RNF180: variants seen among roughly 807,000 people sequenced by gnomAD.
RNF180 encodes the protein ring finger protein 180.
Under a neutral mutation model 59.2 loss-of-function variants are expected in RNF180, and 38 were observed. That is an observed-to-expected ratio of 0.64 (90% CI 0.50 to 0.84). The LOEUF (loss-of-function observed/expected upper bound fraction) is 0.84. RNF180 is among the 40% of genes least tolerant of loss of function. The pLI is 0.00. For synonymous variants in RNF180, 262 were observed against 240.3 expected (o/e 1.09, Z -0.84); for missense variants, 705 against 700.9 (o/e 1.01, Z -0.07).
chr5:64,301,188 A>T (rs890342922), intron 5 of RNF180, among the ~76,000 whole-genome samples: 4 of 151,830 alleles, frequency 2.6e-5, no homozygotes, highest in African/African-American at 9.7e-5. Flanking sequence ...CTACTGAACA[A>T]CAGCAATAAG....
At chr5:64,224,103 GTA>G (rs1491284167) in intron 5 of RNF180, among the ~76,000 whole-genome samples, 29 of 147,238 alleles carry the variant, frequency 2.0e-4, no homozygotes, top group Admixed American at 1.9e-3. Context: ...GTGTGTGTGT[GTA>G]CATACATATT....
At chr5:64,189,906 C>G (rs1363285626) in intron 1 of RNF180, among the ~76,000 whole-genome samples, 2 of 152,080 alleles carry the variant, frequency 1.3e-5, no homozygotes, top group African/African-American at 2.4e-5. Context: ...AGAAAAGGAC[C>G]ATAGGCCTAT....
chr5:64,349,229 C>T (rs1580292559), intron 7 of RNF180, among the ~76,000 whole-genome samples: 1 of 152,026 alleles, frequency 6.6e-6, no homozygotes, highest in East Asian at 1.9e-4. Context: ...TTGAGAAAAA[C>T]TGAGGTTACA....
At chr5:64,216,398 T>G (rs1267533772) in intron 4 of RNF180, among the ~76,000 whole-genome samples, 1 of 152,196 alleles carries the variant, frequency 6.6e-6, no homozygotes, top group African/African-American at 2.4e-5. Context: ...TTACTAAAGC[T>G]TGTTTGTGAT....
chr5:64,225,243 C>A (rs528656519), intron 5 of RNF180, among the ~76,000 whole-genome samples: 8 of 152,204 alleles, frequency 5.3e-5, no homozygotes, highest in Non-Finnish European at 8.8e-5. Flanking sequence ...TGGCCTTACG[C>A]ATAGGAAAAA....
intron 7 of RNF180, among the ~76,000 whole-genome samples, chr5:64,334,217 C>G (rs976619644): frequency 6.6e-6 from 1 of 152,124 alleles, no homozygotes; most frequent in Non-Finnish European, 1.5e-5. Flanking sequence ...AAGTGTTTCC[C>G]CCTCCAACCT....
chr5:64,189,268 A>G (rs2111990860), intron 1 of RNF180, among the ~76,000 whole-genome samples: 1 of 152,220 alleles, frequency 6.6e-6, no homozygotes, highest in Admixed American at 6.5e-5. Flanking sequence ...TAACAAACAC[A>G]TAAAAATGGA....
At chr5:64,173,867 C>T (rs1209038048) in intron 1 of RNF180, among the ~76,000 whole-genome samples, 2 of 152,022 alleles carry the variant, frequency 1.3e-5, no homozygotes, top group Non-Finnish European at 2.9e-5. Context: ...AGGCATGCAC[C>T]ACCACACCCA....
chr5:64,183,758 C>T (rs1443033866), intron 1 of RNF180, among the ~76,000 whole-genome samples: 1 of 152,160 alleles, frequency 6.6e-6, no homozygotes, highest in Admixed American at 6.6e-5. Flanking sequence ...AAAAAGTATA[C>T]ATTTTTTGAT....
At chr5:64,187,334 T>TAATA (rs1750921244) in intron 1 of RNF180, among the ~76,000 whole-genome samples, 1 of 152,140 alleles carries the variant, frequency 6.6e-6, no homozygotes, top group African/African-American at 2.4e-5. Context: ...GCACTCTGCC[T>TAATA]AACTCAACAA....
At chr5:64,340,937 C>T (rs558523120) in intron 7 of RNF180, among the ~76,000 whole-genome samples, 35 of 152,142 alleles carry the variant, frequency 2.3e-4, no homozygotes, top group South Asian at 1.2e-3. Context: ...TCCTTTACCT[C>T]CTTCCCTCTC....
chr5:64,254,900 A>G (rs1743837179), intron 5 of RNF180, among the ~76,000 whole-genome samples: 1 of 152,132 alleles, frequency 6.6e-6, no homozygotes, highest in African/African-American at 2.4e-5. Flanking sequence ...AGCCATTTGA[A>G]GTGATATCTG....
rs775773333 is a variant in RNF180, at chr5:64,370,058, G to A, written c.*244G>A. 5.2e-5 allele frequency: 14 copies of A among 267,238 alleles called. No homozygotes were observed. The highest frequency in any genetic ancestry group is 8.3e-5 in the Non-Finnish European group (12 of 143,766). The allele number at this position is 267,238 out of a possible 1,614,324, so 16.6% of individuals were successfully genotyped here. A position where few individuals can be genotyped will look rare whatever the true frequency, so the allele number is the denominator to read the frequency against. On this transcript the variant is annotated 3_prime_UTR_variant, in exon 8 of 8. Transcript: ENST00000389100. Reference sequence around the variant, plus strand: ...CACTATTAATTTCATAGTTGTTCTTGGGTTAGGATTTGGGGCTCTGATTTT... The same window carrying A: ...CACTATTAATTTCATAGTTGTTCTTAGGTTAGGATTTGGGGCTCTGATTTT...
At chr5:64,184,429 C>A (rs1346925194) in intron 1 of RNF180, among the ~76,000 whole-genome samples, 1 of 152,000 alleles carries the variant, frequency 6.6e-6, no homozygotes, top group African/African-American at 2.4e-5. Flanking sequence ...TCCATTATTT[C>A]ATCGGGGTCA....
In RNF180 at chr5:64,213,646, G is replaced by A. The variant is rs1459730325; in HGVS notation, c.320G>A (p.Cys107Tyr). The stretch of plus-strand genomic sequence containing the variant: ...TTTGTCAGCACTCCAAAATGTTCCT[G>A]TGGCCAGCTTGCAGCTGTACATCTC... ...FNFVSTPKCSCGQLAAVHLSK... is the reference protein window; with the variant it reads ...FNFVSTPKCSYGQLAAVHLSK... The change falls in exon 4 of 8, where the codon TGT becomes TAT. Residue 107 changes from cysteine (C) to tyrosine (Y), a missense_variant. Coordinates refer to ENST00000389100, the MANE Select transcript of RNF180 (RefSeq NM_001113561.2). 1.2e-6 allele frequency: 2 copies of A among 1,614,160 alleles called. No individual in the cohort carries two copies. Among genetic ancestry groups the A allele is most frequent in the Admixed American group, 1.7e-5 (1 of 60,018 alleles).
chr5:64,243,485 G>A (rs1376963320), intron 5 of RNF180, among the ~76,000 whole-genome samples: 1 of 152,188 alleles, frequency 6.6e-6, no homozygotes, highest in African/African-American at 2.4e-5. Context: ...TGAACTGGGT[G>A]GGGCTCACTG....
At position 64,247,830 on chromosome 5, in the gene RNF180, G is replaced by T. The variant is rs114620840; in HGVS notation, c.1227+30434G>T. Among the ~76,000 whole-genome samples the T allele has an allele frequency of 4.4e-3, 668 of 152,226 alleles. 4 individuals are homozygous for T. The highest frequency in any genetic ancestry group is 0.015 in the African/African-American group (633 of 41,536). ...ATCCTAAGCGAAAAGAACAAAGCTG[G>T]AACTATCACGCTACCTGACTTTAAA... is the stretch of plus-strand genomic sequence containing the variant. On this transcript the variant is annotated intron_variant, in intron 5 of 7. Coordinates refer to ENST00000389100, the MANE Select transcript of RNF180 (RefSeq NM_001113561.2).
chr5:64,228,297 T>C (rs1741895098), intron 5 of RNF180, among the ~76,000 whole-genome samples: 1 of 152,104 alleles, frequency 6.6e-6, no homozygotes, highest in African/African-American at 2.4e-5. Context: ...GAGGACTGCT[T>C]GAGCCCAGGA....
chr5:64,216,021 T>C (rs1489874217), intron 4 of RNF180, among the ~76,000 whole-genome samples: 1 of 152,058 alleles, frequency 6.6e-6, no homozygotes, highest in African/African-American at 2.4e-5. Context: ...GTTATTTGTA[T>C]TCATTCACAT....
Sources: allele counts gnomAD v4.1 joint callset (sites outside exome capture counted in the v4.1 genomes callset), GRCh38; gene constraint gnomAD v4.1.1; transcripts MANE v1.5; gene names NCBI Gene and HGNC (gene_info 2026-07-23, HGNC 2026-07-21).